FSTL5: variants seen among roughly 807,000 people sequenced by gnomAD.
FSTL5 encodes the protein follistatin like 5.
FSTL5 carries 62 observed loss-of-function variants against 89.1 expected under a neutral mutation model. The observed-to-expected ratio is 0.70, with a 90% CI of 0.57 to 0.86. The LOEUF is 0.86. Ranked by LOEUF, FSTL5 falls within the 40% of genes least tolerant of loss-of-function variation. The probability of loss-of-function intolerance (pLI) is 0.00; values close to 1 mark genes in which losing one functional copy is unlikely to be tolerated. For missense variants in FSTL5, 1,057 were observed against 1,001.6 expected (o/e 1.06, Z -0.75); for synonymous variants, 383 against 346.2 (o/e 1.11, Z -1.18).
intron 2 of FSTL5, among the ~76,000 whole-genome samples, chr4:162,071,319 G>C (rs1183271183): frequency 6.6e-6 from 1 of 151,402 alleles, no homozygotes; most frequent in Non-Finnish European, 1.5e-5. Context: ...CATGCAAATG[G>C]AAATCAAAAG....
At chr4:161,853,546 T>A (rs1731628376) in intron 4 of FSTL5, among the ~76,000 whole-genome samples, 1 of 148,466 alleles carries the variant, frequency 6.7e-6, no homozygotes, top group Non-Finnish European at 1.5e-5. Flanking sequence ...CCAAGTGGCT[T>A]TTTTTTTTTA....
chr4:161,433,148 C>A (rs1403864384), intron 15 of FSTL5, among the ~76,000 whole-genome samples: 1 of 151,158 alleles, frequency 6.6e-6, no homozygotes, highest in Non-Finnish European at 1.5e-5. Flanking sequence ...GGTGAATATC[C>A]CTGATGAACA....
chr4:162,096,120 A>T (rs949123096), intron 2 of FSTL5, among the ~76,000 whole-genome samples: 4 of 151,918 alleles, frequency 2.6e-5, no homozygotes, highest in Admixed American at 1.3e-4. Context: ...TAGTTTTATA[A>T]ATTAATGCAA....
rs767185031 is a variant in FSTL5, at chr4:161,718,830, A to T, written c.727+40581T>A. ...CAAAACATGGTAATGCATTAACACC[A>T]CAGCAACTATACTGAACAAACCAAA... On this transcript the variant is annotated intron_variant, in intron 6 of 15. Coordinates refer to ENST00000306100, the MANE Select transcript of FSTL5 (RefSeq NM_020116.5). Among the ~76,000 whole-genome samples, 50 of 152,176 alleles carry T rather than the reference A, an allele frequency of 3.3e-4. 1 individual carries two copies. The highest frequency in any genetic ancestry group is 1.3e-4 in the Non-Finnish European group (9 of 68,016).
chr4:161,453,708 C>T (rs62326379), intron 15 of FSTL5, among the ~76,000 whole-genome samples: 12,244 of 152,186 alleles, frequency 0.08, 665 homozygotes, highest in Non-Finnish European at 0.12. Flanking sequence ...AATCCTCCCG[C>T]CTCATCCTCA....
At chr4:161,415,954 C>T (rs1731766643) in intron 15 of FSTL5, among the ~76,000 whole-genome samples, 2 of 151,690 alleles carry the variant, frequency 1.3e-5, no homozygotes, top group South Asian at 4.2e-4. Context: ...ATTCACAGCA[C>T]TCAGATTTTT....
intron 15 of FSTL5, among the ~76,000 whole-genome samples, chr4:161,425,947 T>A (rs892662906): frequency 4.0e-5 from 6 of 150,202 alleles, no homozygotes; most frequent in Non-Finnish European, 7.4e-5. Flanking sequence ...TTTTTTTTTT[T>A]AATTCTAAAT....
intron 7 of FSTL5, among the ~76,000 whole-genome samples, chr4:161,643,072 T>A (rs1736021453): frequency 6.6e-6 from 1 of 152,192 alleles, no homozygotes; most frequent in South Asian, 2.1e-4. Flanking sequence ...TGAGTTAATA[T>A]TTTTTTAAAT....
intron 4 of FSTL5, among the ~76,000 whole-genome samples, chr4:161,895,590 T>C (rs1733130796): frequency 6.6e-6 from 1 of 152,170 alleles, no homozygotes; most frequent in South Asian, 2.1e-4. Flanking sequence ...GCAGTTGTAG[T>C]TTTGATGCTA....
intron 7 of FSTL5, 38 bp from the exon 8 acceptor site, chr4:161,587,613 G>C: frequency 6.6e-7 from 1 of 1,517,950 alleles, no homozygotes; most frequent in Non-Finnish European, 9.0e-7. Context: ...TTTGCATTTT[G>C]AATTAATTGT....
intron 6 of FSTL5, among the ~76,000 whole-genome samples, chr4:161,668,790 T>G (rs1022988024): frequency 1.3e-5 from 2 of 152,062 alleles, no homozygotes; most frequent in Non-Finnish European, 2.9e-5. Context: ...TATAAAAAAT[T>G]TTAAAACTTG....
intron 6 of FSTL5, among the ~76,000 whole-genome samples, chr4:161,721,730 A>C (rs1264093568): frequency 6.6e-6 from 1 of 152,202 alleles, no homozygotes; most frequent in Non-Finnish European, 1.5e-5. Flanking sequence ...TGCGTCAGAA[A>C]AATTAAGTGA....
chr4:161,453,858 T>G (rs1733257984), intron 15 of FSTL5, among the ~76,000 whole-genome samples: 1 of 152,180 alleles, frequency 6.6e-6, no homozygotes, highest in South Asian at 2.1e-4. Context: ...CCTCCCACAA[T>G]GCTGGGATTA....
intron 6 of FSTL5, among the ~76,000 whole-genome samples, chr4:161,709,909 T>C (rs1738719498): frequency 6.6e-6 from 1 of 152,182 alleles, no homozygotes; most frequent in African/African-American, 2.4e-5. Context: ...ATGGGAATTT[T>C]GGTGGCAGTA....
intron 15 of FSTL5, among the ~76,000 whole-genome samples, chr4:161,436,006 C>A (rs1732547210): frequency 6.6e-6 from 1 of 152,130 alleles, no homozygotes; most frequent in Non-Finnish European, 1.5e-5. Context: ...TAAGTTTCCT[C>A]ACATTTCTTG....
chr4:162,152,626 T>C (rs1041338851), intron 1 of FSTL5, among the ~76,000 whole-genome samples: 3 of 152,182 alleles, frequency 2.0e-5, no homozygotes, highest in African/African-American at 7.2e-5. Flanking sequence ...TAAGCATTTC[T>C]CTTTCCCTAA....
At chr4:161,900,680 GA>G (rs1367814333) in intron 4 of FSTL5, among the ~76,000 whole-genome samples, 5 of 115,198 alleles carry the variant, frequency 4.3e-5, no homozygotes, top group East Asian at 5.0e-4. Flanking sequence ...AGAAAGAAAA[GA>G]AAAAAAAAAG....
chr4:161,870,092 T>A (rs1230849241), intron 4 of FSTL5, among the ~76,000 whole-genome samples: 1 of 152,128 alleles, frequency 6.6e-6, no homozygotes, highest in African/African-American at 2.4e-5. Flanking sequence ...AGAATGAGTG[T>A]TGGAATTTGA....
At chr4:161,802,260 G>T (rs1471216971) in intron 4 of FSTL5, among the ~76,000 whole-genome samples, 1 of 151,676 alleles carries the variant, frequency 6.6e-6, no homozygotes, top group Non-Finnish European at 1.5e-5. Flanking sequence ...TCCTATAATA[G>T]TTAGTTCTGG....
Sources: allele counts gnomAD v4.1 joint callset (sites outside exome capture counted in the v4.1 genomes callset), GRCh38; gene constraint gnomAD v4.1.1; transcripts MANE v1.5; gene names NCBI Gene and HGNC (gene_info 2026-07-23, HGNC 2026-07-21).